SAMD12: variants seen among roughly 807,000 people sequenced by gnomAD.
The protein encoded by SAMD12 is sterile alpha motif domain-containing protein 12.
In SAMD12, 9 loss-of-function variants were observed where a neutral mutation model predicts 15.0. The ratio of observed to expected loss-of-function variants is 0.60; its 90% CI spans 0.36 to 1.05. The LOEUF is 1.05. Among genes scored for constraint, SAMD12 ranks in the 50% least tolerant of loss-of-function variants. SAMD12 has a pLI of 0.01. For missense variants in SAMD12, 230 were observed against 234.2 expected (o/e 0.98, Z 0.12); for synonymous variants, 86 against 90.1 (o/e 0.96, Z 0.25).
At chr8:118,185,365 T>C (rs938618188), downstream of SAMD12, among the ~76,000 whole-genome samples, 1 of 152,094 alleles carries the variant, frequency 6.6e-6, no homozygotes, top group Non-Finnish European at 1.5e-5. Context: ...ACCCAATATG[T>C]AGTCTTTTAT....
chr8:118,255,292 CAAAAT>C (rs1297365604), intron 4 of SAMD12, among the ~76,000 whole-genome samples: 2 of 152,064 alleles, frequency 1.3e-5, no homozygotes, highest in Non-Finnish European at 2.9e-5. Context: ...ACAACAACAA[CAAAAT>C]AAAGTTACCC....
chr8:118,279,261 AT>A (rs1403393442), intron 4 of SAMD12, among the ~76,000 whole-genome samples: 1 of 152,230 alleles, frequency 6.6e-6, no homozygotes, highest in Non-Finnish European at 1.5e-5. Context: ...TTTCTGAAAT[AT>A]AAATTACAAT....
chr8:118,181,872 C>T, the SAMD12 span, among the ~76,000 whole-genome samples: 4 of 152,158 alleles, frequency 2.6e-5, no homozygotes, highest in Admixed American at 6.5e-5. Context: ...ATGCTCTAAA[C>T]GTAATTGCTA....
chr8:118,477,693 C>T (rs1376484056), intron 2 of SAMD12, among the ~76,000 whole-genome samples: 1 of 152,026 alleles, frequency 6.6e-6, no homozygotes, highest in African/African-American at 2.4e-5. Flanking sequence ...GTGGATTCTA[C>T]AATACTGGCT....
chr8:118,312,053 C>G (rs1181422140), intron 4 of SAMD12, among the ~76,000 whole-genome samples: 1 of 152,102 alleles, frequency 6.6e-6, no homozygotes, highest in Non-Finnish European at 1.5e-5. Context: ...CTTATTTTGC[C>G]TTAGAAATGT....
chr8:118,462,660 C>G (rs1334150161), intron 2 of SAMD12, among the ~76,000 whole-genome samples: 2 of 152,214 alleles, frequency 1.3e-5, no homozygotes, highest in East Asian at 3.9e-4. Context: ...AGCAAGCGAA[C>G]CTGACACCAC....
chr8:118,606,269 A>C (rs1370895751), intron 1 of SAMD12, among the ~76,000 whole-genome samples: 2 of 152,144 alleles, frequency 1.3e-5, no homozygotes, highest in African/African-American at 2.4e-5. Flanking sequence ...CATCCCTTCC[A>C]ATCATGGCAG....
At chr8:118,478,399 G>C (rs754949103) in intron 2 of SAMD12, among the ~76,000 whole-genome samples, 3 of 152,232 alleles carry the variant, frequency 2.0e-5, no homozygotes, top group Non-Finnish European at 4.4e-5. Context: ...AACCAGGGAA[G>C]AGCCAACAGG....
chr8:118,566,407 C>T (rs759051044), intron 2 of SAMD12, among the ~76,000 whole-genome samples: 4 of 152,026 alleles, frequency 2.6e-5, no homozygotes, highest in Non-Finnish European at 5.9e-5. Flanking sequence ...TATTAGAATT[C>T]GCATTATAGT....
intron 4 of SAMD12, among the ~76,000 whole-genome samples, chr8:118,303,442 T>C (rs1174787080): frequency 6.6e-6 from 1 of 152,168 alleles, no homozygotes; most frequent in Non-Finnish European, 1.5e-5. Flanking sequence ...TATGGTTTCA[T>C]TTACCGGAAG....
intron 4 of SAMD12, among the ~76,000 whole-genome samples, chr8:118,273,735 C>A (rs1318634639): frequency 2.0e-5 from 3 of 152,090 alleles, no homozygotes; most frequent in South Asian, 2.1e-4. Context: ...ACATTCTGAA[C>A]CCCAGCAACA....
At chr8:118,165,668 T>A in the SAMD12 span, among the ~76,000 whole-genome samples, 1 of 106,320 alleles carries the variant, frequency 9.4e-6, no homozygotes, top group Non-Finnish European at 2.0e-5. Context: ...ACAGGTGATT[T>A]GAAGCATAGT....
At chr8:118,495,516 T>C (rs1029395815) in intron 2 of SAMD12, among the ~76,000 whole-genome samples, 26 of 151,728 alleles carry the variant, frequency 1.7e-4, no homozygotes, top group Admixed American at 5.2e-4. Flanking sequence ...ATTTTGATAC[T>C]ACAGGAAGAT....
intron 2 of SAMD12, among the ~76,000 whole-genome samples, chr8:118,507,426 G>T (rs558742645): frequency 6.6e-6 from 1 of 151,972 alleles, no homozygotes; most frequent in East Asian, 1.9e-4. Context: ...CCAATTGAGG[G>T]TTTATGATGT....
At chr8:118,136,521 A>G in the SAMD12 span, among the ~76,000 whole-genome samples, 3 of 152,238 alleles carry the variant, frequency 2.0e-5, no homozygotes, top group Admixed American at 6.5e-5. Context: ...GGTGTTCACC[A>G]TCCAATAGGC....
intron 4 of SAMD12, among the ~76,000 whole-genome samples, chr8:118,294,764 G>A (rs190896766): frequency 1.3e-3 from 191 of 152,296 alleles, no homozygotes; most frequent in African/African-American, 4.3e-3. Flanking sequence ...GTCATGCAAC[G>A]AAAAGTGATA....
chr8:118,167,909 C>G, the SAMD12 span, among the ~76,000 whole-genome samples: 1 of 152,110 alleles, frequency 6.6e-6, no homozygotes, highest in Non-Finnish European at 1.5e-5. Context: ...TCCAACTGAA[C>G]ATAACAATGT....
At chr8:118,328,230 CT>C in intron 4 of SAMD12, among the ~76,000 whole-genome samples, 1 of 152,146 alleles carries the variant, frequency 6.6e-6, no homozygotes, top group East Asian at 1.9e-4. Context: ...AATTTTATTG[CT>C]TCCCATCTTG....
chr8:118,544,770 C>T (rs1420288515), intron 2 of SAMD12, among the ~76,000 whole-genome samples: 2 of 152,174 alleles, frequency 1.3e-5, no homozygotes, highest in Admixed American at 6.5e-5. Context: ...CTCACCACAC[C>T]ACTATTTCTT....
Sources: allele counts gnomAD v4.1 joint callset (sites outside exome capture counted in the v4.1 genomes callset), GRCh38; gene constraint gnomAD v4.1.1; transcripts MANE v1.5; gene names NCBI Gene and HGNC (gene_info 2026-07-23, HGNC 2026-07-21).